FKBP14: variants seen among roughly 807,000 people sequenced by gnomAD.
FKBP14 encodes the protein FKBP prolyl isomerase 14, also known as peptidyl-prolyl cis-trans isomerase FKBP14.
In FKBP14, 20 loss-of-function variants were observed where a neutral mutation model predicts 21.6. That is an observed-to-expected ratio of 0.92 (90% CI 0.65 to 1.34). The LOEUF (loss-of-function observed/expected upper bound fraction) is 1.34. Among genes scored for constraint, FKBP14 ranks in the 40% most tolerant of loss-of-function variants. The pLI, the probability that FKBP14 is intolerant of heterozygous loss-of-function variation, is 0.00. For missense variants in FKBP14, 253 were observed against 249.0 expected, an observed-to-expected ratio of 1.02 and a Z score of -0.11; for synonymous variants, 79 against 86.7, an observed-to-expected ratio of 0.91 and a Z score of 0.49.
chr7:30,018,894 T>A, intron 3 of FKBP14, 102 bp downstream of exon 3: 1 of 1,170,450 alleles, frequency 8.5e-7, no homozygotes, highest in South Asian at 1.4e-5. Flanking sequence ...ATTTGAAATA[T>A]ACACATATTC....
chr7:30,020,475 G>A (rs563470264), intron 2 of FKBP14, among the ~76,000 whole-genome samples: 198 of 152,284 alleles, frequency 1.3e-3, no homozygotes, highest in Non-Finnish European at 1.9e-3. Context: ...ACTGGGATAT[G>A]TCCCAAGAAT....
chr7:30,020,286 G>A, intron 2 of FKBP14: 2 of 1,281,156 alleles, frequency 1.6e-6, no homozygotes, highest in Non-Finnish European at 2.0e-6. Flanking sequence ...AAAGAGGCAT[G>A]CAAGCATGTA....
chr7:30,018,759 G>C (rs1200611836), intron 3 of FKBP14, among the ~76,000 whole-genome samples: 1 of 152,184 alleles, frequency 6.6e-6, no homozygotes, highest in Non-Finnish European at 1.5e-5. Flanking sequence ...GCAAAAGATT[G>C]AATGGTGCTT....
rs760591517 is a variant in FKBP14, at chr7:30,022,749, C to T, written c.265G>A (p.Asp89Asn). ...LGILEALKGW[D>N]QGLKGMCVGE... Reference sequence around the variant, plus strand: ...ACACACATTCCTTTCAAGCCCTGGTCCCAACCTTTGAGAGCCTCCAGGATG... The same window carrying T: ...ACACACATTCCTTTCAAGCCCTGGTTCCAACCTTTGAGAGCCTCCAGGATG... The change falls in exon 2 of 4, where the codon GAC (aspartate) becomes AAC (asparagine). Residue 89 changes from aspartate to asparagine, a missense_variant. Physicochemically the swap from Asp to Asn is conservative, Grantham distance 23. Coordinates refer to ENST00000222803, the MANE Select transcript of FKBP14 (RefSeq NM_017946.4). 13 of 1,614,030 alleles carry T rather than the reference C, an allele frequency of 8.1e-6. No individual in the cohort carries two copies. In the East Asian group the frequency reaches 2.7e-4, roughly 33 times the overall value.
chr7:30,017,263 AGAC>A (rs1789913447), intron 3 of FKBP14, among the ~76,000 whole-genome samples: 1 of 152,054 alleles, frequency 6.6e-6, no homozygotes, highest in African/African-American at 2.4e-5. Flanking sequence ...GGTAGGAGAA[AGAC>A]TTTTAAAAAT....
chr7:30,015,366 C>T (rs763230838), intron 3 of FKBP14, among the ~76,000 whole-genome samples: 5 of 151,698 alleles, frequency 3.3e-5, no homozygotes, highest in Non-Finnish European at 5.9e-5. Context: ...TGCAGTGAAT[C>T]GAGATTGCGC....
intron 3 of FKBP14, among the ~76,000 whole-genome samples, chr7:30,017,176 CAA>C: frequency 9.0e-6 from 1 of 111,386 alleles, no homozygotes; most frequent in African/African-American, 3.3e-5. Flanking sequence ...CTCATCTCTA[CAA>C]AAAAAAAAAC....
At chr7:30,020,370 G>C (rs933029704) in intron 2 of FKBP14, 2 of 817,100 alleles carry the variant, frequency 2.4e-6, no homozygotes, top group African/African-American at 1.8e-5. Context: ...TGAAGGAAAT[G>C]ACTCAAATTT....
rs569120278 is a variant in FKBP14, at chr7:30,026,579, G to A, written c.-71C>T. 4.7e-5 allele frequency: 67 copies of A among 1,429,846 alleles called. No individual in the cohort carries two copies. In the South Asian group the frequency reaches 8.3e-4, roughly 18 times the overall value. The allele number at this position is 1,429,846 out of a possible 1,614,324, so 88.6% of individuals were successfully genotyped here. A position where few individuals can be genotyped will look rare whatever the true frequency, so the allele number is the denominator to read the frequency against. On this transcript the variant is annotated 5_prime_UTR_variant, in exon 1 of 4. The change creates a new upstream start codon in the 5' untranslated region. Transcript: ENST00000222803. ...CCCTCGACTTCATAGATTTAAGAAC[G>A]TAGTTCAAGGCTTACGGACAAGGGC...
chr7:30,015,626 CTTTT>C (rs1265376198), intron 3 of FKBP14, among the ~76,000 whole-genome samples: 1 of 131,634 alleles, frequency 7.6e-6, no homozygotes, highest in Non-Finnish European at 1.6e-5. Context: ...TAGACAGAAT[CTTTT>C]TTTTTTTTTT....
At chr7:30,023,668 G>T (rs1161764197) in intron 1 of FKBP14, among the ~76,000 whole-genome samples, 1 of 152,212 alleles carries the variant, frequency 6.6e-6, no homozygotes, top group Non-Finnish European at 1.5e-5. Context: ...TGGACTCGCG[G>T]TTCCACATGG....
rs1417806956 is a variant in FKBP14, at chr7:30,010,774, T to A, written c.*3961A>T. ...GAGTTGAAAAATTCCTGTCACCTGC[T>A]AGGGATGTCTTGATCCTGACCCTGC... On this transcript the variant is annotated 3_prime_UTR_variant, in exon 4 of 4. Transcript: ENST00000222803. 1 of 152,228 alleles carries A rather than the reference T, an allele frequency of 6.6e-6. No individual in the cohort carries two copies. Among genetic ancestry groups the A allele is most frequent in the Non-Finnish European group, 1.5e-5 (1 of 68,040 alleles). 9.4% of individuals were successfully genotyped at this position (152,228 alleles called of 1,614,324 possible).
chr7:30,026,326 G>A lies in FKBP14; in HGVS notation c.183C>T (p.Ser61=). The A allele has an allele frequency of 6.2e-7, 1 of 1,608,884 alleles. No individual in the cohort carries two copies. The highest frequency in any genetic ancestry group is 8.5e-7 in the Non-Finnish European group (1 of 1,177,206). Residue 61 remains serine (S), a synonymous_variant, in exon 1 of 4, where the codon TCC becomes TCT. Transcript: ENST00000222803. ...HYEGYLEKDG[S]LFHSTHKHNN... Reference sequence around the variant, plus strand: ...TAATTACTTACGTGGAGTGAAATAAGGAGCCGTCCTTTTCTAAGTAGCCTT... The same window carrying A: ...TAATTACTTACGTGGAGTGAAATAAAGAGCCGTCCTTTTCTAAGTAGCCTT...
Position 30,018,988 on chromosome 7 carries a change from A to G in FKBP14, c.477+8T>C. On this transcript the variant is annotated splice_region_variant and intron_variant, in intron 3 of 3. Transcript: ENST00000222803. ...GTAGAAAGAGGAGTAGGAAGAAGGAAAGGTCACCTCATCTTTAGAGAGTTT... is the reference window on the plus strand; with the variant it reads ...GTAGAAAGAGGAGTAGGAAGAAGGAGAGGTCACCTCATCTTTAGAGAGTTT... The G allele has an allele frequency of 6.2e-7, 1 of 1,607,632 alleles. No individual in the cohort carries two copies. The highest frequency in any genetic ancestry group is 8.5e-7 in the Non-Finnish European group (1 of 1,178,008).
intron 3 of FKBP14, among the ~76,000 whole-genome samples, chr7:30,017,174 TA>T (rs1789909233): frequency 7.0e-6 from 1 of 143,130 alleles, no homozygotes; most frequent in South Asian, 2.2e-4. Flanking sequence ...ACCTCATCTC[TA>T]CAAAAAAAAA....
At chr7:30,026,155 C>A (rs915132000) in intron 1 of FKBP14, among the ~76,000 whole-genome samples, 157 bp downstream of exon 1, 1 of 152,202 alleles carries the variant, frequency 6.6e-6, no homozygotes, top group South Asian at 2.1e-4. Flanking sequence ...CTATATAAAA[C>A]TGGCTTTAAA....
intron 2 of FKBP14, 32 bp downstream of exon 2, chr7:30,022,633 C>A: frequency 1.3e-6 from 2 of 1,597,748 alleles, no homozygotes; most frequent in South Asian, 1.1e-5. Flanking sequence ...AACTCTAGTG[C>A]TATAGTAAGA....
chr7:30,009,349 C>T (rs1789673494), downstream of FKBP14, among the ~76,000 whole-genome samples: 2 of 151,700 alleles, frequency 1.3e-5, no homozygotes, highest in African/African-American at 4.8e-5. Flanking sequence ...TCTCCTGCTT[C>T]AGCCTCCCTA....
intron 2 of FKBP14, chr7:30,020,384 T>C: frequency 1.6e-6 from 1 of 642,736 alleles, no homozygotes; most frequent in Non-Finnish European, 2.4e-6. Context: ...CAAATTTAGA[T>C]CTCTACTTAT....
Sources: gnomAD v4.1 joint callset for allele counts (sites outside exome capture counted in the v4.1 genomes callset) on GRCh38, gnomAD v4.1.1 for gene constraint, MANE v1.5 for transcripts, NCBI Gene and HGNC (gene_info 2026-07-23, HGNC 2026-07-21) for gene names.